The following ANO4 variants were observed in gnomAD, a reference collection of about 807,000 sequenced individuals.
The protein encoded by ANO4 is anoctamin 4, also known as anoctamin-4.
ANO4 carries 69 observed loss-of-function variants against 141.9 expected under a neutral mutation model. The ratio of observed to expected loss-of-function variants is 0.49; its 90% CI spans 0.40 to 0.59. The LOEUF is 0.59. ANO4 is among the 20% of genes least tolerant of loss of function. ANO4 has a pLI of 0.00. For missense variants in ANO4, 894 were observed against 1,162.2 expected, an observed-to-expected ratio of 0.77 and a Z score of 3.36; for synonymous variants, 350 against 394.3, an observed-to-expected ratio of 0.89 and a Z score of 1.33.
intron 1 of ANO4, among the ~76,000 whole-genome samples, chr12:100,819,010 T>C (rs1028263398): frequency 6.9e-5 from 10 of 144,886 alleles, no homozygotes; most frequent in Non-Finnish European, 1.5e-4. Context: ...ATCATATATA[T>C]ATGTGTATAT....
At chr12:101,071,326 C>A (rs1409639132) in intron 14 of ANO4, among the ~76,000 whole-genome samples, 1 of 148,274 alleles carries the variant, frequency 6.7e-6, no homozygotes, top group East Asian at 2.0e-4. Context: ...CAATGAAGTA[C>A]TAGTCAGCCA....
chr12:100,895,159 T>TA (rs1159405892), intron 1 of ANO4, among the ~76,000 whole-genome samples: 1 of 151,390 alleles, frequency 6.6e-6, no homozygotes, highest in Non-Finnish European at 1.5e-5. Context: ...TTTTTTTTTT[T>TA]AATTAAGAAT....
chr12:101,081,835 A>G (rs1484496731), intron 15 of ANO4, among the ~76,000 whole-genome samples: 2 of 152,124 alleles, frequency 1.3e-5, no homozygotes, highest in Admixed American at 6.5e-5. Context: ...GTGTCTTCAC[A>G]TCGTCTTCCC....
intron 16 of ANO4, 53 bp from the exon 17 acceptor site, chr12:101,086,607 C>T (rs1249795060): frequency 1.4e-5 from 22 of 1,599,252 alleles, no homozygotes; most frequent in Non-Finnish European, 1.9e-5. Flanking sequence ...TGTGAATCCT[C>T]TTCCTGTAAC....
intron 14 of ANO4, chr12:101,068,244 C>A: frequency 7.1e-7 from 1 of 1,415,920 alleles, no homozygotes; most frequent in African/African-American, 1.4e-5. Context: ...TAGAAAACAT[C>A]GCTTCTGGGA....
intron 22 of ANO4, among the ~76,000 whole-genome samples, chr12:101,101,497 T>C (rs2050184302): frequency 6.6e-6 from 1 of 152,090 alleles, no homozygotes; most frequent in Non-Finnish European, 1.5e-5. Context: ...TTGTTTTGTT[T>C]GCATTTCCAC....
At chr12:100,826,298 A>AG (rs1555225464) in intron 1 of ANO4, among the ~76,000 whole-genome samples, 2 of 44,468 alleles carry the variant, frequency 4.5e-5, no homozygotes, top group South Asian at 6.2e-4. Flanking sequence ...TTGAGAAAAA[A>AG]AGATGGAAAA....
At chr12:100,793,597 G>A (rs17030595), upstream of ANO4, among the ~76,000 whole-genome samples, 39 of 151,858 alleles carry the variant, frequency 2.6e-4, 1 homozygote, top group South Asian at 6.9e-3. Flanking sequence ...AACAAAACCC[G>A]AGGGCATTTG....
intron 3 of ANO4, among the ~76,000 whole-genome samples, chr12:100,773,750 A>C (rs1269608869): frequency 1.3e-5 from 2 of 152,242 alleles, no homozygotes; most frequent in African/African-American, 4.8e-5. Context: ...ATATGCAGAC[A>C]AGTGCATAAA....
intron 1 of ANO4, among the ~76,000 whole-genome samples, chr12:100,814,705 G>A (rs1284035092): frequency 2.0e-5 from 3 of 152,114 alleles, no homozygotes; most frequent in Non-Finnish European, 2.9e-5. Context: ...AACATTGTAT[G>A]GGAGTTAGTT....
At chr12:100,893,595 A>G (rs960114586) in intron 1 of ANO4, among the ~76,000 whole-genome samples, 1 of 152,140 alleles carries the variant, frequency 6.6e-6, no homozygotes, top group Admixed American at 6.5e-5. Flanking sequence ...CCACACAAGC[A>G]CATTTCTGCT....
intron 1 of ANO4, among the ~76,000 whole-genome samples, chr12:100,851,078 G>A (rs927128816): frequency 6.6e-6 from 1 of 151,978 alleles, no homozygotes; most frequent in Admixed American, 6.6e-5. Flanking sequence ...TATGCATATT[G>A]CAAGTGGAAA....
intron 1 of ANO4, among the ~76,000 whole-genome samples, chr12:100,811,758 G>GT (rs2035449975): frequency 6.6e-6 from 1 of 152,032 alleles, no homozygotes; most frequent in Non-Finnish European, 1.5e-5. Flanking sequence ...AATTAGGTGG[G>GT]TTCATTCTTT....
chr12:101,092,337 A>G (rs1718969875), intron 17 of ANO4, among the ~76,000 whole-genome samples: 1 of 152,218 alleles, frequency 6.6e-6, no homozygotes, highest in Admixed American at 6.5e-5. Flanking sequence ...CCTTTTGGAC[A>G]TATCTGTAAG....
intron 1 of ANO4, among the ~76,000 whole-genome samples, chr12:100,730,338 A>G (rs1210014785): frequency 6.6e-6 from 1 of 152,066 alleles, no homozygotes; most frequent in African/African-American, 2.4e-5. Flanking sequence ...GATAAGCACT[A>G]TTGTTACCAT....
chr12:101,068,922 C>T, intron 14 of ANO4: 1 of 813,238 alleles, frequency 1.2e-6, no homozygotes, highest in Non-Finnish European at 2.2e-6. Flanking sequence ...ACATGCTCAA[C>T]ATCGAAGCTG....
intron 1 of ANO4, among the ~76,000 whole-genome samples, chr12:100,818,846 T>C (rs1401821376): frequency 6.6e-6 from 1 of 151,900 alleles, no homozygotes; most frequent in African/African-American, 2.4e-5. Context: ...CCAGCACTAC[T>C]GCTAAGATCC....
chr12:100,774,050 C>A (rs1383770543), intron 3 of ANO4, among the ~76,000 whole-genome samples: 2 of 152,052 alleles, frequency 1.3e-5, no homozygotes, highest in African/African-American at 4.8e-5. Context: ...AAATGACCTG[C>A]AAAGGAAATA....
chr12:101,006,625 CA>C (rs751191351), intron 8 of ANO4, among the ~76,000 whole-genome samples: 4 of 152,206 alleles, frequency 2.6e-5, no homozygotes, highest in Non-Finnish European at 4.4e-5. Flanking sequence ...TTCTGAGCAG[CA>C]GGGAACATGA....
Sources: gnomAD v4.1 joint callset for allele counts (sites outside exome capture counted in the v4.1 genomes callset) on GRCh38, gnomAD v4.1.1 for gene constraint, MANE v1.5 for transcripts, NCBI Gene and HGNC (gene_info 2026-07-23, HGNC 2026-07-21) for gene names.